The following FOXN3 variants were observed in gnomAD, a reference collection of about 807,000 sequenced individuals.
FOXN3 encodes the protein forkhead box protein N3.
Under a neutral mutation model 38.4 loss-of-function variants are expected in FOXN3, and 7 were observed. The observed-to-expected ratio is 0.18, with a 90% CI of 0.10 to 0.34. FOXN3 has a LOEUF of 0.34. Among genes scored for constraint, FOXN3 ranks in the 10% least tolerant of loss-of-function variants. The probability of loss-of-function intolerance (pLI) is 1.00; values close to 1 mark genes in which losing one functional copy is unlikely to be tolerated. For synonymous variants in FOXN3, 230 were observed against 242.2 expected (o/e 0.95, Z 0.47); for missense variants, 456 against 613.4 (o/e 0.74, Z 2.71).
chr14:89,544,301 A>C (rs1201419230), intron 1 of FOXN3, among the ~76,000 whole-genome samples: 1 of 150,426 alleles, frequency 6.6e-6, no homozygotes, highest in South Asian at 2.1e-4. Flanking sequence ...TCGGCCTCCC[A>C]AAGTGCTGGG....
chr14:89,264,959 T>C (rs1885924349), intron 4 of FOXN3, among the ~76,000 whole-genome samples: 1 of 152,198 alleles, frequency 6.6e-6, no homozygotes, highest in Non-Finnish European at 1.5e-5. Flanking sequence ...GTGCTAAGAA[T>C]GTACACATCT....
intron 1 of FOXN3, among the ~76,000 whole-genome samples, chr14:89,463,782 CTCTTTT>C (rs1892909312): frequency 8.1e-6 from 1 of 123,772 alleles, no homozygotes; most frequent in Non-Finnish European, 1.7e-5. Context: ...TGGTCTCTCT[CTCTTTT>C]TTTTTTTTTT....
At chr14:89,530,002 G>A (rs1291488435) in intron 1 of FOXN3, among the ~76,000 whole-genome samples, 1 of 151,068 alleles carries the variant, frequency 6.6e-6, no homozygotes, top group Admixed American at 6.6e-5. Context: ...GGGCAGTGGT[G>A]CGATCTTGGC....
At chr14:89,562,896 A>C (rs1324212893) in intron 1 of FOXN3, among the ~76,000 whole-genome samples, 2 of 152,236 alleles carry the variant, frequency 1.3e-5, no homozygotes, top group African/African-American at 2.4e-5. Context: ...CTGCTGTCAG[A>C]GAGTTTATTT....
At chr14:89,340,007 C>T (rs1266653560) in intron 3 of FOXN3, among the ~76,000 whole-genome samples, 1 of 152,084 alleles carries the variant, frequency 6.6e-6, no homozygotes, top group Non-Finnish European at 1.5e-5. Flanking sequence ...AGATAAGAAA[C>T]TCTGCTCTCC....
intron 1 of FOXN3, among the ~76,000 whole-genome samples, chr14:89,456,236 G>A (rs1179109883): frequency 6.6e-6 from 1 of 151,598 alleles, no homozygotes; most frequent in Non-Finnish European, 1.5e-5. Flanking sequence ...AGAGCCCGTG[G>A]GCCCTGCAGG....
At chr14:89,211,073 T>G (rs1263966679) in intron 4 of FOXN3, among the ~76,000 whole-genome samples, 1 of 152,226 alleles carries the variant, frequency 6.6e-6, no homozygotes, top group Non-Finnish European at 1.5e-5. Context: ...CATAAAGATG[T>G]TAATTCATCC....
intron 1 of FOXN3, among the ~76,000 whole-genome samples, chr14:89,453,528 C>T (rs1211981899): frequency 1.4e-5 from 2 of 139,786 alleles, no homozygotes; most frequent in Non-Finnish European, 3.0e-5. Context: ...CCATTGCACT[C>T]CAGCCTGGGC....
chr14:89,330,235 G>A (rs1888209294), intron 3 of FOXN3, among the ~76,000 whole-genome samples: 1 of 152,210 alleles, frequency 6.6e-6, no homozygotes, highest in Non-Finnish European at 1.5e-5. Flanking sequence ...AGGGGTGCCT[G>A]CCAGGTAGTA....
intron 1 of FOXN3, among the ~76,000 whole-genome samples, chr14:89,415,817 T>C (rs1003474340): frequency 3.9e-5 from 5 of 127,438 alleles, no homozygotes; most frequent in Middle Eastern, 3.7e-3. Context: ...CAAATAGTTA[T>C]TCACTGGTGA....
intron 3 of FOXN3, among the ~76,000 whole-genome samples, chr14:89,315,185 C>A (rs946357059): frequency 6.6e-5 from 10 of 152,008 alleles, no homozygotes; most frequent in African/African-American, 2.2e-4. Flanking sequence ...GACCATCGAT[C>A]CTTTTTATTC....
chr14:89,492,651 G>A (rs180996941), intron 1 of FOXN3, among the ~76,000 whole-genome samples: 101 of 152,298 alleles, frequency 6.6e-4, no homozygotes, highest in African/African-American at 2.3e-3. Context: ...GGCAGAGGTT[G>A]CAGTAGGGCG....
intron 3 of FOXN3, among the ~76,000 whole-genome samples, chr14:89,327,389 T>G (rs1429962703): frequency 6.6e-6 from 1 of 152,182 alleles, no homozygotes; most frequent in Non-Finnish European, 1.5e-5. Flanking sequence ...CTGAGGATGG[T>G]GCTTACAGAA....
At chr14:89,453,558 T>C (rs1447911713) in intron 1 of FOXN3, among the ~76,000 whole-genome samples, 1 of 22,968 alleles carries the variant, frequency 4.4e-5, no homozygotes, top group African/African-American at 2.9e-4. Context: ...AGACTCCGTC[T>C]CAAAAAAAAA....
At chr14:89,501,821 C>T (rs1358503370) in intron 1 of FOXN3, among the ~76,000 whole-genome samples, 2 of 150,858 alleles carry the variant, frequency 1.3e-5, no homozygotes, top group Non-Finnish European at 3.0e-5. Flanking sequence ...GCACTCCAGC[C>T]CGGGCAACAA....
Position 89,293,026 on chromosome 14 carries a change from C to T in FOXN3, c.681-12012G>A, listed in dbSNP as rs184779140. ...AGTCGGCTAGCTCTCTGTCCATGCTCGGCCCCACCATCAGAGCATTCCTAG... is the reference window on the plus strand; with the variant it reads ...AGTCGGCTAGCTCTCTGTCCATGCTTGGCCCCACCATCAGAGCATTCCTAG... On this transcript the variant is annotated intron_variant, in intron 3 of 5. Transcript: ENST00000557258. Among the ~76,000 whole-genome samples the T allele has an allele frequency of 3.3e-4, 51 of 152,324 alleles. No homozygotes were observed. The East Asian group carries it at 9.6e-3, about 29-fold the overall frequency.
In FOXN3 at chr14:89,533,661, C is replaced by CAAAA. The variant is rs34194637; in HGVS notation, c.-15+85363_-15+85366dup. Among the ~76,000 whole-genome samples, 40 of 65,934 alleles carry CAAAA rather than the reference C, an allele frequency of 6.1e-4. 2 individuals are homozygous for CAAAA. Among genetic ancestry groups the CAAAA allele is most frequent in the East Asian group, 1.7e-3 (3 of 1,776 alleles). The allele number at this position is 65,934 out of a possible 152,430, so 43.3% of individuals were successfully genotyped here. Reference sequence around the variant, plus strand: ...TGGGTGACAGAGGGAGACTCTGTCTCAAAAAAAAAAAAAAAAAAAAAAAAA... The same window carrying CAAAA: ...TGGGTGACAGAGGGAGACTCTGTCTCAAAAAAAAAAAAAAAAAAAAAAAAAAAAA... On this transcript the variant is annotated intron_variant, in intron 1 of 6. Transcript: ENST00000345097.
At chr14:89,246,318 AT>A (rs778121019) in intron 4 of FOXN3, among the ~76,000 whole-genome samples, 4 of 152,082 alleles carry the variant, frequency 2.6e-5, no homozygotes, top group Admixed American at 6.6e-5. Context: ...TAAAACATAT[AT>A]TTTCCCGGGG....
At chr14:89,336,166 ACAC>A (rs765357679) in intron 3 of FOXN3, among the ~76,000 whole-genome samples, 3,814 of 145,924 alleles carry the variant, frequency 0.026, 92 homozygotes, top group East Asian at 0.08. Context: ...ACACACACAC[ACAC>A]ACATTCATAA....
Sources: allele counts gnomAD v4.1 joint callset (sites outside exome capture counted in the v4.1 genomes callset), GRCh38; gene constraint gnomAD v4.1.1; transcripts MANE v1.5; gene names NCBI Gene and HGNC (gene_info 2026-07-23, HGNC 2026-07-21).